The following SCTR variants were observed in gnomAD, a reference collection of about 807,000 sequenced individuals.
SCTR encodes secretin receptor.
In SCTR, 56 loss-of-function variants were observed where a neutral mutation model predicts 60.8. That is an observed-to-expected ratio of 0.92 (90% confidence interval 0.74 to 1.15). SCTR has a LOEUF of 1.15. SCTR is among the 50% of genes most tolerant of loss of function. The pLI, the probability that SCTR is intolerant of heterozygous loss-of-function variation, is 0.00. For synonymous variants in SCTR, 202 were observed against 217.0 expected (o/e 0.93, Z 0.61); for missense variants, 562 against 550.4 (o/e 1.02, Z -0.21).
In SCTR at chr2:119,492,529, G is replaced by A. The variant is rs546316844; in HGVS notation, c.193+1899C>T. ...GTTCTGTTTATTTTTCTTTCCCGCT[G>A]TCTTTCTTTTCAAATGGAAGAAAAA... On this transcript the variant is annotated intron_variant, in intron 2 of 12. Transcript: ENST00000019103. Among the ~76,000 whole-genome samples, 8 of 152,246 alleles carry A rather than the reference G, an allele frequency of 5.3e-5. No homozygotes were observed. In the East Asian group the frequency reaches 9.6e-4, roughly 18 times the overall value.
intron 10 of SCTR, among the ~76,000 whole-genome samples, chr2:119,448,366 A>G (rs1558835108): frequency 6.6e-6 from 1 of 152,210 alleles, no homozygotes; most frequent in African/African-American, 2.4e-5. Flanking sequence ...CTCTGAAAAT[A>G]CACATACTGT....
intron 5 of SCTR, among the ~76,000 whole-genome samples, chr2:119,465,424 G>A (rs560729639): frequency 6.6e-6 from 1 of 152,228 alleles, no homozygotes; most frequent in South Asian, 2.1e-4. Flanking sequence ...CACTTACATG[G>A]GTCAGGTCGC....
chr2:119,449,244 G>T (rs781204580), intron 9 of SCTR, among the ~76,000 whole-genome samples: 6 of 152,170 alleles, frequency 3.9e-5, no homozygotes, highest in Admixed American at 3.9e-4. Flanking sequence ...TAAGTCTGGC[G>T]TGGGGCCCAA....
intron 5 of SCTR, among the ~76,000 whole-genome samples, chr2:119,464,964 T>C (rs1441563519): frequency 6.6e-6 from 1 of 152,132 alleles, no homozygotes; most frequent in African/African-American, 2.4e-5. Context: ...AGCCTCAGTG[T>C]CCTCCTCTGC....
intron 11 of SCTR, among the ~76,000 whole-genome samples, chr2:119,444,271 ATATACATATGAATATATACAC>A (rs1682786405): frequency 7.2e-6 from 1 of 139,260 alleles, no homozygotes; most frequent in Non-Finnish European, 1.6e-5. Context: ...ATATATACAT[ATATACATATGAATATATACAC>A]ATATATACGT....
rs778833689 is a variant in SCTR, at chr2:119,464,162, G to A, written c.597C>T (p.Leu199=). ...AGTAGGTGACATCATCTGAGGAGAA[G>A]AGCACGGCGTCCTTGATGAAGTTGG... ...ALSNFIKDAV[L]FSSDDVTYCD... is the part of the protein sequence containing the mutation. Residue 199 remains leucine, a synonymous_variant, in exon 6 of 13, where the codon CTC becomes CTT. Transcript: ENST00000019103. The A allele has an allele frequency of 1.9e-6, 3 of 1,614,096 alleles. No homozygotes were observed. The African/African-American group carries it at 4.0e-5, about 22-fold the overall frequency.
In SCTR at chr2:119,494,490, T is replaced by C; in HGVS notation, c.131A>G (p.Gln44Arg). ...CTCTCTGGAGAGTTCCTGCAGGCAC[T>C]GGTCTTGCTCTTCCCACAGCACTTG... Reference protein sequence around the residue: ...VLQVLWEEQDQCLQELSREQT... With the variant: ...VLQVLWEEQDRCLQELSREQT... The change falls in exon 2 of 13, where the codon CAG becomes CGG. Residue 44 changes from glutamine to arginine, a missense_variant. Gln to Arg is a conservative substitution (Grantham distance 43). Transcript: ENST00000019103. 6.2e-7 allele frequency: 1 copy of C among 1,614,108 alleles called. No individual in the cohort carries two copies. The highest frequency in any genetic ancestry group is 1.1e-5 in the South Asian group (1 of 91,072).
At chr2:119,482,302 C>T (rs1375304045) in intron 2 of SCTR, among the ~76,000 whole-genome samples, 5 of 152,170 alleles carry the variant, frequency 3.3e-5, no homozygotes, top group African/African-American at 1.2e-4. Context: ...AGAGGCCCAG[C>T]CCCTAGCAGG....
At chr2:119,492,740 G>T (rs1456804783) in intron 2 of SCTR, among the ~76,000 whole-genome samples, 1 of 152,024 alleles carries the variant, frequency 6.6e-6, no homozygotes, top group Non-Finnish European at 1.5e-5. Flanking sequence ...GCCTTGGCAA[G>T]CACTAATCTA....
At chr2:119,455,637 C>T (rs529216887) in intron 7 of SCTR, among the ~76,000 whole-genome samples, 10 of 152,120 alleles carry the variant, frequency 6.6e-5, no homozygotes, top group South Asian at 4.2e-4. Context: ...ACGCAATAGA[C>T]GGGTTGGAAG....
intron 2 of SCTR, among the ~76,000 whole-genome samples, chr2:119,480,133 C>T (rs1677534727): frequency 1.3e-5 from 2 of 152,200 alleles, no homozygotes; most frequent in Non-Finnish European, 2.9e-5. Flanking sequence ...GTCAGCTTTG[C>T]ATCTATTTGT....
intron 7 of SCTR, among the ~76,000 whole-genome samples, chr2:119,456,280 G>A (rs56891690): frequency 0.035 from 5,347 of 151,948 alleles, 309 homozygotes; most frequent in African/African-American, 0.12. Context: ...GGATGGTCTC[G>A]AACTCCTGAC....
At chr2:119,520,359 G>T (rs2104960881) in intron 1 of SCTR, among the ~76,000 whole-genome samples, 1 of 152,268 alleles carries the variant, frequency 6.6e-6, no homozygotes, top group South Asian at 2.1e-4. Flanking sequence ...ATTAGATGGG[G>T]ATGGTGGCAG....
chr2:119,499,231 A>G (rs1008910336), intron 1 of SCTR, among the ~76,000 whole-genome samples: 9 of 152,096 alleles, frequency 5.9e-5, no homozygotes, highest in Admixed American at 2.6e-4. Flanking sequence ...TGTGAAACAA[A>G]AACTGATAGA....
At chr2:119,476,600 G>A (rs2104841836) in intron 3 of SCTR, 1 of 152,392 alleles carries the variant, frequency 6.6e-6, no homozygotes, top group South Asian at 2.1e-4. Flanking sequence ...GCAATTAATT[G>A]AGAAAGGATG....
chr2:119,442,679 G>T (rs570352844), intron 11 of SCTR, among the ~76,000 whole-genome samples: 7 of 152,168 alleles, frequency 4.6e-5, no homozygotes, highest in Non-Finnish European at 1.0e-4. Flanking sequence ...TATTTGAGGG[G>T]CAGAAACACT....
At chr2:119,464,012 C>T (rs1683719832) in intron 6 of SCTR, 111 bp downstream of exon 6, 4 of 1,169,120 alleles carry the variant, frequency 3.4e-6, no homozygotes, top group Non-Finnish European at 5.0e-6. Context: ...GTATTAAGTG[C>T]AGCCTCAGCA....
intron 4 of SCTR, among the ~76,000 whole-genome samples, chr2:119,466,189 A>G (rs137870144): frequency 1.9e-3 from 290 of 152,208 alleles, no homozygotes; most frequent in African/African-American, 6.7e-3. Context: ...GAATACCTCT[A>G]GAGACAAAGT....
chr2:119,510,483 T>C (rs1357626440), intron 1 of SCTR, among the ~76,000 whole-genome samples: 1 of 151,454 alleles, frequency 6.6e-6, no homozygotes, highest in Non-Finnish European at 1.5e-5. Context: ...ACCCAGAAGA[T>C]GTGGGAGATG....
Sources: gnomAD v4.1 joint callset for allele counts (sites outside exome capture counted in the v4.1 genomes callset) on GRCh38, gnomAD v4.1.1 for gene constraint, MANE v1.5 for transcripts, NCBI Gene and HGNC (gene_info 2026-07-23, HGNC 2026-07-21) for gene names.